LYRM4: variants seen among roughly 807,000 people sequenced by gnomAD.
The protein encoded by LYRM4 is LYR motif containing 4.
A neutral mutation model predicts 11.7 loss-of-function variants in LYRM4; 9 were observed. The observed-to-expected ratio is 0.77, with a 90% CI of 0.46 to 1.34. The LOEUF is 1.34. Ranked by LOEUF, LYRM4 falls within the 40% of genes most tolerant of loss-of-function variation. The pLI is 0.00. For synonymous variants in LYRM4, 42 were observed against 40.4 expected (o/e 1.04, Z -0.15); for missense variants, 133 against 112.5 (o/e 1.18, Z -0.82).
At chr6:5,178,787 AGAGT>A (rs1379402216) in intron 2 of LYRM4, among the ~76,000 whole-genome samples, 1 of 122,764 alleles carries the variant, frequency 8.1e-6, no homozygotes, top group Non-Finnish European at 1.6e-5. Flanking sequence ...CCTGGGCGAC[AGAGT>A]GAGACTCTGT....
At chr6:5,162,734 C>A (rs1758840845) in intron 2 of LYRM4, among the ~76,000 whole-genome samples, 1 of 152,122 alleles carries the variant, frequency 6.6e-6, no homozygotes, top group Non-Finnish European at 1.5e-5. Context: ...TACTTTAATG[C>A]AATCATACAC....
chr6:5,138,204 C>T (rs1181000453), intron 2 of LYRM4, among the ~76,000 whole-genome samples: 1 of 152,024 alleles, frequency 6.6e-6, no homozygotes, highest in Non-Finnish European at 1.5e-5. Context: ...TATTCAAAGG[C>T]CAGGTGTGGT....
chr6:5,170,488 T>C (rs1222273917), intron 2 of LYRM4, among the ~76,000 whole-genome samples: 2 of 72,060 alleles, frequency 2.8e-5, no homozygotes, highest in Admixed American at 1.4e-4. Context: ...TTTCTTTTAT[T>C]TATTTATTTA....
the LYRM4 span, among the ~76,000 whole-genome samples, chr6:5,071,616 GTA>G: frequency 6.6e-6 from 1 of 151,862 alleles, no homozygotes; most frequent in Non-Finnish European, 1.5e-5. Flanking sequence ...ATGTGTGTGT[GTA>G]TGTATATATA....
Position 5,109,360 on chromosome 6 carries a change from TCAAA to T in LYRM4, c.*59_*62del, listed in dbSNP as rs1441307146. ...TAAGCTGGTTTTGGGAGCCCCCATCTCAAACAGAGAGTGGATGCTGAAGGTGGTC... is the reference window on the plus strand; with the variant it reads ...TAAGCTGGTTTTGGGAGCCCCCATCTCAGAGAGTGGATGCTGAAGGTGGTC... On this transcript the variant is annotated 3_prime_UTR_variant, in exon 3 of 3. Transcript: ENST00000330636. The T allele has an allele frequency of 6.2e-6, 10 of 1,608,158 alleles. No individual in the cohort carries two copies. Among genetic ancestry groups the T allele is most frequent in the African/African-American group, 1.3e-5 (1 of 74,828 alleles).
chr6:5,077,881 G>T, the LYRM4 span, among the ~76,000 whole-genome samples: 5 of 152,116 alleles, frequency 3.3e-5, no homozygotes, highest in African/African-American at 1.2e-4. Context: ...TCCATTTAGG[G>T]TTCTTCTTCT....
intron 2 of LYRM4, among the ~76,000 whole-genome samples, chr6:5,162,602 G>A (rs1272949489): frequency 1.3e-5 from 2 of 152,122 alleles, no homozygotes; most frequent in Non-Finnish European, 2.9e-5. Context: ...TTTCCAAAGG[G>A]TTATAAGTAT....
In LYRM4 at chr6:5,156,210, CCGTT is replaced by C. The variant is rs1183944362; in HGVS notation, c.208-46723_208-46720del. Among the ~76,000 whole-genome samples, 8 of 152,334 alleles carry C rather than the reference CCGTT, an allele frequency of 5.3e-5. No individual in the cohort carries two copies. The South Asian group carries it at 1.0e-3, about 20-fold the overall frequency. ...AGCCTAAGCTCAACATGCAAGGCAGCCGTTCATGAAGCTGAGGCTCACAGCCCCT... is the reference window on the plus strand; with the variant it reads ...AGCCTAAGCTCAACATGCAAGGCAGCCATGAAGCTGAGGCTCACAGCCCCT... On this transcript the variant is annotated intron_variant, in intron 2 of 2. Coordinates refer to ENST00000330636, the MANE Select transcript of LYRM4 (RefSeq NM_020408.6).
chr6:5,152,521 C>T (rs7765733), intron 2 of LYRM4, among the ~76,000 whole-genome samples: 101,141 of 152,074 alleles, frequency 0.67, 33,813 homozygotes, highest in East Asian at 0.78. Flanking sequence ...GTGAAAATGT[C>T]CAGTCAGAAG....
At chr6:5,071,071 C>A in the LYRM4 span, among the ~76,000 whole-genome samples, 1 of 151,486 alleles carries the variant, frequency 6.6e-6, no homozygotes, top group African/African-American at 2.4e-5. Context: ...GCCTATAACC[C>A]CAGCTAACTC....
rs561864004 is a variant in LYRM4, at chr6:5,252,475, C to T, written c.86+8173G>A. ...CACAATTACCCACGTCTGGTTCTGA[C>T]ACACGCCTTGCATTTTACTTTTCAC... On this transcript the variant is annotated intron_variant, in intron 1 of 2. Transcript: ENST00000330636. 2.0e-5 allele frequency among the ~76,000 whole-genome samples: 3 copies of T among 152,330 alleles called. No homozygotes were observed. In the South Asian group the frequency reaches 6.2e-4, roughly 32 times the overall value.
At chr6:5,246,723 C>T (rs1258855294) in intron 1 of LYRM4, among the ~76,000 whole-genome samples, 1 of 151,942 alleles carries the variant, frequency 6.6e-6, no homozygotes, top group Non-Finnish European at 1.5e-5. Context: ...TGGACAAATG[C>T]CCAGTTCCAG....
chr6:5,165,015 GTTA>G (rs1490423747), intron 2 of LYRM4, among the ~76,000 whole-genome samples: 1 of 146,522 alleles, frequency 6.8e-6, no homozygotes, highest in Admixed American at 6.8e-5. Context: ...AAAAAAAAAA[GTTA>G]TTATGTTCTA....
At chr6:5,099,609 T>G (rs547095405), downstream of LYRM4, among the ~76,000 whole-genome samples, 1 of 152,150 alleles carries the variant, frequency 6.6e-6, no homozygotes, top group Non-Finnish European at 1.5e-5. This position sits in a 1 kb window ranked among gnomAD's most constrained non-coding sequence, Gnocchi z 4.3. Context: ...TCTTCATATT[T>G]TTTATTTCTT....
intron 1 of LYRM4, among the ~76,000 whole-genome samples, chr6:5,245,163 T>TATATAA (rs1373926501): frequency 1.3e-3 from 88 of 65,232 alleles, no homozygotes; most frequent in South Asian, 3.0e-3. Flanking sequence ...TATATATATA[T>TATATAA]AAAATAGGTG....
At chr6:5,223,464 AT>A (rs1220901679) in intron 1 of LYRM4, among the ~76,000 whole-genome samples, 1 of 152,106 alleles carries the variant, frequency 6.6e-6, no homozygotes, top group Non-Finnish European at 1.5e-5. Flanking sequence ...AGAGCCTGTG[AT>A]TTTCAACCCT....
chr6:5,136,399 T>G (rs1757099377), intron 2 of LYRM4: 1 of 985,268 alleles, frequency 1.0e-6, no homozygotes, highest in African/African-American at 1.7e-5. Context: ...GACACGATAA[T>G]GTAGTACTTA....
At chr6:5,254,449 T>C (rs1764579340) in intron 1 of LYRM4, among the ~76,000 whole-genome samples, 1 of 152,230 alleles carries the variant, frequency 6.6e-6, no homozygotes, top group South Asian at 2.1e-4. Context: ...ATAGTTCCTA[T>C]TTTGATTAAT....
At chr6:5,039,632 A>G in the LYRM4 span, among the ~76,000 whole-genome samples, 1 of 152,228 alleles carries the variant, frequency 6.6e-6, no homozygotes, top group East Asian at 1.9e-4. Flanking sequence ...CATCTGTGAA[A>G]CATCATAATT....
Sources: allele counts gnomAD v4.1 joint callset (sites outside exome capture counted in the v4.1 genomes callset), GRCh38; gene constraint gnomAD v4.1.1; non-coding constraint Gnocchi (gnomAD v3.1); transcripts MANE v1.5; gene names NCBI Gene and HGNC (gene_info 2026-07-23, HGNC 2026-07-21).